OSBPL10: variants seen among roughly 807,000 people sequenced by gnomAD.
OSBPL10 encodes oxysterol binding protein like 10.
Under a neutral mutation model 81.7 loss-of-function variants are expected in OSBPL10, and 49 were observed. That is an observed-to-expected ratio of 0.60 (90% CI 0.48 to 0.76). OSBPL10 has a LOEUF of 0.76. Among genes scored for constraint, OSBPL10 ranks in the 30% least tolerant of loss-of-function variants. The pLI is 0.00. For synonymous variants in OSBPL10, 419 were observed against 383.6 expected, an observed-to-expected ratio of 1.09 and a Z score of -1.08; for missense variants, 923 against 987.8, an observed-to-expected ratio of 0.93 and a Z score of 0.88.
At chr3:31,662,410 T>C in intron 11 of OSBPL10, 1 of 1,143,188 alleles carries the variant, frequency 8.7e-7, no homozygotes, top group Non-Finnish European at 1.1e-6. Context: ...AGAAGCACTT[T>C]GACAGTGGGA....
chr3:31,887,936 C>G (rs1350128425), intron 1 of OSBPL10, among the ~76,000 whole-genome samples: 1 of 152,174 alleles, frequency 6.6e-6, no homozygotes. Flanking sequence ...CCTCCCAAAC[C>G]ACCAAGATGT....
intron 1 of OSBPL10, among the ~76,000 whole-genome samples, chr3:32,076,508 C>T (rs1336742540): frequency 6.6e-6 from 1 of 152,140 alleles, no homozygotes; most frequent in Non-Finnish European, 1.5e-5. Context: ...CGTGACACAA[C>T]CTTAAGGCAT....
At chr3:31,872,597 C>G (rs1431137373) in intron 3 of OSBPL10, among the ~76,000 whole-genome samples, 1 of 148,906 alleles carries the variant, frequency 6.7e-6, no homozygotes, top group Non-Finnish European at 1.5e-5. Flanking sequence ...CTGATACACA[C>G]AACAGCATGG....
exon 2 of OSBPL10, chr3:32,046,586 G>A (rs1699624535): frequency 6.6e-6 from 1 of 152,200 alleles, no homozygotes; most frequent in Admixed American, 6.5e-5. Context: ...ATAGGAAAGT[G>A]ATGAGGATGG....
intron 1 of OSBPL10, among the ~76,000 whole-genome samples, chr3:32,052,499 G>A (rs1185960832): frequency 6.6e-6 from 1 of 152,012 alleles, no homozygotes; most frequent in Admixed American, 6.6e-5. Context: ...AAAGACATAT[G>A]CACACATATG....
At chr3:31,749,341 A>G (rs924781130) in intron 4 of OSBPL10, among the ~76,000 whole-genome samples, 2 of 152,244 alleles carry the variant, frequency 1.3e-5, no homozygotes, top group Non-Finnish European at 2.9e-5. Context: ...ATTATTGTTA[A>G]TAGACACATT....
intron 4 of OSBPL10, among the ~76,000 whole-genome samples, chr3:31,775,154 A>C (rs529582381): frequency 1.3e-5 from 2 of 152,068 alleles, no homozygotes; most frequent in Non-Finnish European, 2.9e-5. Context: ...CCTGGGTGAC[A>C]GAGTGAGACT....
At chr3:32,009,068 T>C (rs186762778) in intron 2 of OSBPL10, among the ~76,000 whole-genome samples, 7 of 152,386 alleles carry the variant, frequency 4.6e-5, no homozygotes, top group Non-Finnish European at 2.9e-5. Context: ...TTTAAAATCA[T>C]GAACAGGTTT....
intron 1 of OSBPL10, among the ~76,000 whole-genome samples, chr3:31,972,922 C>A (rs558528811): frequency 6.5e-4 from 99 of 152,218 alleles, no homozygotes; most frequent in African/African-American, 2.3e-3. Context: ...CAACAAAAGA[C>A]CATATATAAT....
intron 1 of OSBPL10, among the ~76,000 whole-genome samples, chr3:31,897,118 A>T (rs760066584): frequency 6.6e-6 from 1 of 152,218 alleles, no homozygotes; most frequent in Non-Finnish European, 1.5e-5. Context: ...GAAGAAGCAG[A>T]CCTAATAGAA....
chr3:31,951,935 G>A (rs1697882234), intron 1 of OSBPL10, among the ~76,000 whole-genome samples: 1 of 152,096 alleles, frequency 6.6e-6, no homozygotes, highest in Non-Finnish European at 1.5e-5. Flanking sequence ...TAATTCACAA[G>A]ATTCAAGAAT....
At chr3:31,839,607 G>A (rs1700444170) in intron 3 of OSBPL10, among the ~76,000 whole-genome samples, 1 of 152,084 alleles carries the variant, frequency 6.6e-6, no homozygotes, top group African/African-American at 2.4e-5. Flanking sequence ...AGATGTCAAC[G>A]AAGTAAAGGA....
chr3:32,076,656 A>G (rs1015852487), intron 1 of OSBPL10, among the ~76,000 whole-genome samples: 12 of 152,122 alleles, frequency 7.9e-5, no homozygotes, highest in Admixed American at 5.9e-4. Context: ...TATTTCACAC[A>G]AAGCCGGCTG....
At chr3:31,983,008 G>T (rs1698880683), upstream of OSBPL10, among the ~76,000 whole-genome samples, 1 of 152,214 alleles carries the variant, frequency 6.6e-6, no homozygotes, top group African/African-American at 2.4e-5. Context: ...CAGGAGAGCA[G>T]CATGTCCCGG....
intron 7 of OSBPL10, among the ~76,000 whole-genome samples, chr3:31,699,185 C>T (rs1373969589): frequency 6.6e-6 from 1 of 152,220 alleles, no homozygotes; most frequent in Non-Finnish European, 1.5e-5. Context: ...GCACAACAGT[C>T]ATGTCAGGAT....
chr3:31,879,506 A>G, intron 2 of OSBPL10, 149 bp downstream of exon 2: 1 of 738,814 alleles, frequency 1.4e-6, no homozygotes, highest in Non-Finnish European at 2.2e-6. Context: ...CACCCCAGGG[A>G]TAAGAGAGGC....
chr3:31,976,149 A>C (rs1274308699), intron 1 of OSBPL10, among the ~76,000 whole-genome samples: 1 of 152,188 alleles, frequency 6.6e-6, no homozygotes, highest in African/African-American at 2.4e-5. Flanking sequence ...TAACCACAGC[A>C]CTCAGAATAA....
intron 4 of OSBPL10, among the ~76,000 whole-genome samples, chr3:31,791,531 AGTTCAC>A (rs1239395406): frequency 6.6e-6 from 1 of 152,200 alleles, no homozygotes; most frequent in Non-Finnish European, 1.5e-5. Context: ...CCCCAGAGGT[AGTTCAC>A]TATAACTATA....
chr3:31,801,330 C>T (rs996513931), intron 4 of OSBPL10, among the ~76,000 whole-genome samples: 6 of 152,190 alleles, frequency 3.9e-5, no homozygotes, highest in South Asian at 4.1e-4. Flanking sequence ...GCCAACACCA[C>T]ACATGCAGAG....
Sources: allele counts gnomAD v4.1 joint callset (sites outside exome capture counted in the v4.1 genomes callset), GRCh38; gene constraint gnomAD v4.1.1; transcripts MANE v1.5; gene names NCBI Gene and HGNC (gene_info 2026-07-23, HGNC 2026-07-21).